Variants in NFKB1 observed in about 807,000 individuals in gnomAD.
NFKB1 encodes nuclear factor NF-kappa-B p105 subunit.
In NFKB1, 9 loss-of-function variants were observed where a neutral mutation model predicts 105.1. The observed-to-expected ratio is 0.09, with a 90% confidence interval of 0.05 to 0.15. The LOEUF is 0.15. NFKB1 is among the 10% of genes least tolerant of loss of function. The pLI, the probability that NFKB1 is intolerant of heterozygous loss-of-function variation, is 1.00. For missense variants in NFKB1, 830 were observed against 1,203.7 expected (o/e 0.69, Z 4.59); for synonymous variants, 440 against 442.2 (o/e 1.00, Z 0.06).
intron 15 of NFKB1, among the ~76,000 whole-genome samples, chr4:102,599,151 T>C (rs1015502646): frequency 6.6e-6 from 1 of 152,178 alleles, no homozygotes; most frequent in Non-Finnish European, 1.5e-5. Flanking sequence ...GGGAATGTAC[T>C]TCTGCTATGA....
chr4:102,531,936 A>G (rs999261487), intron 3 of NFKB1, among the ~76,000 whole-genome samples: 2 of 152,170 alleles, frequency 1.3e-5, no homozygotes, highest in East Asian at 1.9e-4. Context: ...CTGTCTTGAT[A>G]TGTTCTTTCA....
chr4:102,609,158 CAA>C (rs372174091), intron 19 of NFKB1, among the ~76,000 whole-genome samples: 5 of 97,342 alleles, frequency 5.1e-5, no homozygotes, highest in Admixed American at 2.4e-4. Flanking sequence ...GACCCTGTCT[CAA>C]AAAAAAAAAA....
At chr4:102,591,633 A>G (rs537238067) in intron 11 of NFKB1, among the ~76,000 whole-genome samples, 19 of 152,118 alleles carry the variant, frequency 1.2e-4, no homozygotes, top group African/African-American at 4.6e-4. Context: ...TTTTAAACCC[A>G]CTGTTGAGAC....
chr4:102,551,376 G>GCA (rs1722592042), intron 5 of NFKB1, among the ~76,000 whole-genome samples: 1 of 150,702 alleles, frequency 6.6e-6, no homozygotes, highest in African/African-American at 2.4e-5. Context: ...GTGCGCGCGC[G>GCA]CATGTGTGTG....
intron 5 of NFKB1, among the ~76,000 whole-genome samples, chr4:102,542,497 G>GCT (rs914914571): frequency 8.9e-4 from 132 of 148,952 alleles, no homozygotes; most frequent in African/African-American, 2.6e-3. Context: ...GCTTTTGATA[G>GCT]CTCTCTCTCT....
intron 1 of NFKB1, chr4:102,503,225 GATTTA>G (rs949150661): frequency 6.6e-5 from 10 of 152,084 alleles, no homozygotes; most frequent in African/African-American, 2.4e-4. Context: ...TTACATTCAT[GATTTA>G]ATTGAATTGC....
In NFKB1 at chr4:102,533,855, A is replaced by T; in HGVS notation, c.129A>T (p.Pro43=). The change falls in exon 4 of 24, where the codon CCA becomes CCT. Residue 43 remains proline, a synonymous_variant. Coordinates refer to ENST00000226574, the MANE Select transcript of NFKB1 (RefSeq NM_003998.4). ...PQMALPTADG[P]YLQILEQPKQ... is the part of the protein sequence containing the mutation. The stretch of plus-strand genomic sequence containing the variant: ...TGTTTTTGTTTTTAGCAGATGGCCC[A>T]TACCTTCAAATATTAGAGCAACCTA... 1 of 1,612,484 alleles carries T rather than the reference A, an allele frequency of 6.2e-7. No individual in the cohort carries two copies. The highest frequency in any genetic ancestry group is 1.7e-5 in the Admixed American group (1 of 59,868).
intron 6 of NFKB1, 45 bp downstream of exon 6, chr4:102,567,180 A>G (rs1477322374): frequency 6.3e-7 from 1 of 1,590,418 alleles, no homozygotes; most frequent in Non-Finnish European, 8.6e-7. Context: ...AACAGATAGA[A>G]TATGGGATGC....
intron 3 of NFKB1, among the ~76,000 whole-genome samples, chr4:102,532,438 C>T (rs866443669): frequency 5.3e-5 from 8 of 152,088 alleles, no homozygotes; most frequent in African/African-American, 1.7e-4. Flanking sequence ...ACCAGCCTGG[C>T]CAAGATGGTG....
intron 8 of NFKB1, among the ~76,000 whole-genome samples, chr4:102,579,866 A>T (rs1014282620): frequency 1.3e-5 from 2 of 151,916 alleles, no homozygotes; most frequent in African/African-American, 4.8e-5. Flanking sequence ...CTCCAAGTAC[A>T]ACAACTAACT....
intron 15 of NFKB1, among the ~76,000 whole-genome samples, chr4:102,598,120 C>G (rs138407089): frequency 1.3e-5 from 2 of 152,338 alleles, no homozygotes; most frequent in Non-Finnish European, 2.9e-5. Context: ...TTCCCAGTTA[C>G]TGGTTTCTTC....
intron 2 of NFKB1, 88 bp downstream of exon 2, chr4:102,525,645 G>A: frequency 8.3e-7 from 1 of 1,206,598 alleles, no homozygotes; most frequent in Non-Finnish European, 1.2e-6. Flanking sequence ...GTTAGCATTA[G>A]GAAAATTCTA....
At position 102,606,579 on chromosome 4, in the gene NFKB1, G is replaced by A. The variant is rs1727749408; in HGVS notation, c.1836G>A (p.Leu612=). The change falls in exon 17 of 24, where the codon CTG becomes CTA. Residue 612 remains leucine, a synonymous_variant. Transcript: ENST00000226574. ...GGGCTGGGGCCGACCTGAGCCTTCT[G>A]GACCGCTTGGGTAACTCTGTTTTGC... is the stretch of plus-strand genomic sequence containing the variant. ...LLRAGADLSL[L]DRLGNSVLHL... 5 of 1,614,038 alleles carry A rather than the reference G, an allele frequency of 3.1e-6. No individual in the cohort carries two copies. The East Asian group carries it at 1.1e-4, about 36-fold the overall frequency.
In NFKB1 at chr4:102,501,625, G is replaced by C. The variant is rs1365755338; in HGVS notation, c.-171G>C. 1 of 148,726 alleles carries C rather than the reference G, an allele frequency of 6.7e-6. No individual in the cohort carries two copies. The highest frequency in any genetic ancestry group is 1.5e-5 in the Non-Finnish European group (1 of 66,928). 9.2% of individuals were successfully genotyped at this position (148,726 alleles called of 1,614,324 possible). A position where few individuals can be genotyped will look rare whatever the true frequency, so the allele number is the denominator to read the frequency against. On this transcript the variant is annotated 5_prime_UTR_variant, in exon 1 of 24. Coordinates refer to ENST00000226574, the MANE Select transcript of NFKB1 (RefSeq NM_003998.4). ...CTGCGGCCATGGCGCGGCGCTGACT[G>C]GCCTGGCCCGGCCCCGCCGCGCTCC...
At chr4:102,608,946 G>T (rs1398423104) in intron 19 of NFKB1, among the ~76,000 whole-genome samples, 2 of 151,814 alleles carry the variant, frequency 1.3e-5, no homozygotes, top group African/African-American at 4.8e-5. Context: ...TGCACTAGGA[G>T]TGTGAGACCA....
chr4:102,569,393 AC>A (rs1323758436), intron 6 of NFKB1, among the ~76,000 whole-genome samples: 1 of 152,242 alleles, frequency 6.6e-6, no homozygotes, highest in East Asian at 1.9e-4. Flanking sequence ...AACTAACATT[AC>A]GTAATATTAT....
intron 5 of NFKB1, among the ~76,000 whole-genome samples, chr4:102,565,700 A>G (rs973155867): frequency 2.0e-5 from 3 of 151,690 alleles, no homozygotes; most frequent in African/African-American, 7.3e-5. Context: ...CCTCCGTCCC[A>G]TCGTTCCTTC....
At chr4:102,571,668 G>T (rs1280842628) in intron 6 of NFKB1, among the ~76,000 whole-genome samples, 1 of 152,132 alleles carries the variant, frequency 6.6e-6, no homozygotes, top group Non-Finnish European at 1.5e-5. Context: ...CAAAAAGTGG[G>T]CAAAGGATAT....
chr4:102,546,854 A>T (rs1015782083), intron 5 of NFKB1, among the ~76,000 whole-genome samples: 1 of 152,196 alleles, frequency 6.6e-6, no homozygotes, highest in African/African-American at 2.4e-5. Flanking sequence ...GAATCAGAAG[A>T]TAAAATGCCT....
Sources: gnomAD v4.1 joint callset for allele counts (sites outside exome capture counted in the v4.1 genomes callset) on GRCh38, gnomAD v4.1.1 for gene constraint, MANE v1.5 for transcripts, NCBI Gene and HGNC (gene_info 2026-07-23, HGNC 2026-07-21) for gene names.